Variants in MADD observed in about 807,000 individuals in gnomAD.
The protein encoded by MADD is MAP kinase-activating death domain protein.
A neutral mutation model predicts 176.7 loss-of-function variants in MADD; 109 were observed. That is an observed-to-expected ratio of 0.62 (90% CI 0.53 to 0.72). The LOEUF is 0.72. MADD is among the 30% of genes least tolerant of loss of function. The pLI is 0.00. For synonymous variants in MADD, 771 were observed against 771.3 expected (o/e 1.00, Z 0.01); for missense variants, 1,914 against 2,045.5 (o/e 0.94, Z 1.24).
chr11:47,276,111 C>T (rs763036648), exon 4 of MADD: 1 of 1,614,226 alleles, frequency 6.2e-7, no homozygotes, highest in Non-Finnish European at 8.5e-7. Context: ...TCTCGATTCA[C>T]CCTAGTGGAT....
intron 1 of MADD, among the ~76,000 whole-genome samples, chr11:47,273,340 ATT>A (rs11318834): frequency 0.36 from 54,145 of 150,112 alleles, 10,653 homozygotes; most frequent in East Asian, 0.65. Context: ...ATTTATCTAC[ATT>A]TTTTTTTTTT....
chr11:47,329,403 G>C lies in MADD; in HGVS notation c.*253G>C, dbSNP rs1595810491. On this transcript the variant is annotated 3_prime_UTR_variant, in exon 33 of 33. Coordinates refer to ENST00000402192, the Ensembl canonical transcript of MADD. Reference sequence around the variant, plus strand: ...GGGCTCAAGAATGTGTACAGTCTGTGGGGCCGGTGTGAACCCACTATTTTG... The same window carrying C: ...GGGCTCAAGAATGTGTACAGTCTGTCGGGCCGGTGTGAACCCACTATTTTG... 5 of 526,064 alleles carry C rather than the reference G, an allele frequency of 9.5e-6. No homozygotes were observed. The East Asian group carries it at 1.6e-4, about 17-fold the overall frequency. The allele number at this position is 526,064 out of a possible 1,614,324, so 32.6% of individuals were successfully genotyped here.
chr11:47,295,954 G>A (rs2071245823), exon 22 of MADD: 2 of 1,614,142 alleles, frequency 1.2e-6, no homozygotes, highest in East Asian at 2.2e-5. Flanking sequence ...CAGCAATGCA[G>A]GTGATGGACC....
At chr11:47,322,649 T>G (rs896462040) in intron 27 of MADD, among the ~76,000 whole-genome samples, 2 of 152,194 alleles carry the variant, frequency 1.3e-5, no homozygotes, top group Non-Finnish European at 2.9e-5. Flanking sequence ...AAGAGAATGT[T>G]GAACAAGAAG....
At chr11:47,304,654 G>T (rs1390251180) in intron 22 of MADD, among the ~76,000 whole-genome samples, 2 of 152,056 alleles carry the variant, frequency 1.3e-5, no homozygotes, top group Non-Finnish European at 2.9e-5. Context: ...TTCTGATTTT[G>T]TTGAATCATC....
chr11:47,282,492 C>G (rs2137230345), exon 9 of MADD: 1 of 1,614,198 alleles, frequency 6.2e-7, no homozygotes, highest in Non-Finnish European at 8.5e-7. Flanking sequence ...AAGCTGGCTC[C>G]TTTCTAGCCT....
At chr11:47,326,495 A>C (rs923800367) in intron 30 of MADD, 49 bp from the exon 34 acceptor site, 716 of 1,334,168 alleles carry the variant, frequency 5.4e-4, no homozygotes, top group Non-Finnish European at 5.3e-4. Flanking sequence ...GGGTTTGACC[A>C]TTCAAACTAA....
intron 7 of MADD, among the ~76,000 whole-genome samples, chr11:47,281,252 T>C (rs2056413055): frequency 6.6e-6 from 1 of 152,248 alleles, no homozygotes; most frequent in Non-Finnish European, 1.5e-5. Flanking sequence ...TTAAAAAACA[T>C]TTAATGACTA....
intron 23 of MADD, 60 bp from the exon 26 acceptor site, chr11:47,308,920 T>C: frequency 6.6e-7 from 1 of 1,523,208 alleles, no homozygotes; most frequent in South Asian, 1.1e-5. Context: ...GCCTTTGCCT[T>C]TCTGTCTTCC....
At chr11:47,306,453 G>A (rs1344239210) in intron 22 of MADD, among the ~76,000 whole-genome samples, 1 of 152,220 alleles carries the variant, frequency 6.6e-6, no homozygotes, top group Non-Finnish European at 1.5e-5. Context: ...TCTGGAGGGA[G>A]CACAGCTGTA....
At chr11:47,284,323 TG>T (rs1188535690) in intron 11 of MADD, 42 bp downstream of exon 11, 1 of 1,613,372 alleles carries the variant, frequency 6.2e-7, no homozygotes, top group African/African-American at 1.3e-5. Context: ...GGGCAGGGGT[TG>T]GGGGCCCAAG....
intron 26 of MADD, among the ~76,000 whole-genome samples, chr11:47,313,847 C>T (rs1256281662): frequency 6.6e-6 from 1 of 151,758 alleles, no homozygotes; most frequent in Non-Finnish European, 1.5e-5. Flanking sequence ...ACAACCTCCG[C>T]CTCCCAGGTT....
At chr11:47,276,562 T>C in intron 4 of MADD, 170 bp from the exon 5 acceptor site, 1 of 714,026 alleles carries the variant, frequency 1.4e-6, no homozygotes, top group South Asian at 1.8e-5. Flanking sequence ...GGATCACCAT[T>C]GTGCCTGGAT....
chr11:47,275,692 G>GA lies in MADD; in HGVS notation c.660-206dup, dbSNP rs752198590. On this transcript the variant is annotated intron_variant, in intron 3 of 32. Transcript: ENST00000402192. ...AATTTGGTGTTTTAACTGTGGTTAG[G>GA]ACAGTAAGTCTTACCCAGTATATAT... Among the ~76,000 whole-genome samples, 24 of 152,226 alleles carry GA rather than the reference G, an allele frequency of 1.6e-4. 1 individual carries two copies. The highest frequency in any genetic ancestry group is 1.5e-5 in the Non-Finnish European group (1 of 68,054).
At chr11:47,305,574 C>A (rs2081979717) in intron 22 of MADD, among the ~76,000 whole-genome samples, 1 of 152,042 alleles carries the variant, frequency 6.6e-6, no homozygotes, top group Admixed American at 6.6e-5. Flanking sequence ...AATGAGGCAC[C>A]ATGTAGTAGT....
chr11:47,312,320 C>T (rs1366175366), intron 26 of MADD, among the ~76,000 whole-genome samples: 4 of 152,250 alleles, frequency 2.6e-5, no homozygotes, highest in African/African-American at 9.6e-5. Flanking sequence ...GCAATCTTGG[C>T]TCACTGCAAC....
exon 11 of MADD, chr11:47,284,280 C>T (rs144275331): frequency 8.7e-6 from 14 of 1,613,662 alleles, no homozygotes; most frequent in African/African-American, 1.3e-5. Flanking sequence ...GTGATACTCC[C>T]AGTAAGTGTG....
rs368768224 is a variant in MADD, at chr11:47,323,931, G to A, written c.4362+96G>A. The A allele has an allele frequency of 8.2e-6, 11 of 1,347,682 alleles. No individual in the cohort carries two copies. In the East Asian group the frequency reaches 9.5e-5, roughly 12 times the overall value. 83.5% of individuals were successfully genotyped at this position (1,347,682 alleles called of 1,614,324 possible). A position where few individuals can be genotyped will look rare whatever the true frequency, so the allele number is the denominator to read the frequency against. The stretch of plus-strand genomic sequence containing the variant: ...AGTTAAAATTCCAAAACACACATCT[G>A]GAGCCACACTTCTGTCTCCAGCTGT... On this transcript the variant is annotated intron_variant, in intron 28 of 32. Coordinates refer to ENST00000402192, the Ensembl canonical transcript of MADD.
At chr11:47,284,856 G>GCCTGGTCCAGC in intron 12 of MADD, 85 bp from the exon 13 acceptor site, 1 of 1,557,212 alleles carries the variant, frequency 6.4e-7, no homozygotes, top group Non-Finnish European at 8.7e-7. Flanking sequence ...AATCTGACAG[G>GCCTGGTCCAGC]CCTGGTCCAG....
Sources: allele counts gnomAD v4.1 joint callset (sites outside exome capture counted in the v4.1 genomes callset), GRCh38; gene constraint gnomAD v4.1.1; transcripts MANE v1.5; gene names NCBI Gene and HGNC (gene_info 2026-07-23, HGNC 2026-07-21).